The following PSMA7 variants were observed in gnomAD, a reference collection of about 807,000 sequenced individuals.
PSMA7 encodes the protein proteasome subunit alpha type-7.
In PSMA7, 5 loss-of-function variants were observed where a neutral mutation model predicts 31.3. The observed-to-expected ratio is 0.16, with a 90% CI of 0.08 to 0.34. The LOEUF is 0.34. Ranked by LOEUF, PSMA7 falls within the 10% of genes least tolerant of loss-of-function variation. The pLI, the probability that PSMA7 is intolerant of heterozygous loss-of-function variation, is 1.00. For missense variants in PSMA7, 217 were observed against 327.5 expected, an observed-to-expected ratio of 0.66 and a Z score of 2.60; for synonymous variants, 155 against 121.9, an observed-to-expected ratio of 1.27 and a Z score of -1.79.
At chr20:62,142,750 G>T (rs1208387292) in intron 1 of PSMA7, among the ~76,000 whole-genome samples, 1 of 152,198 alleles carries the variant, frequency 6.6e-6, no homozygotes, top group African/African-American at 2.4e-5. Context: ...TCCCCATAAG[G>T]GGGGTTTGAG....
intron 6 of PSMA7, 133 bp downstream of exon 6, chr20:62,137,231 C>T: frequency 1.0e-6 from 1 of 1,004,658 alleles, no homozygotes; most frequent in African/African-American, 1.6e-5. Flanking sequence ...GTATGGGGAG[C>T]CTCAGAAAGA....
chr20:62,137,444 CAG>C lies in PSMA7; in HGVS notation c.592-20_592-19del. 2 of 1,613,388 alleles carry C rather than the reference CAG, an allele frequency of 1.2e-6. No individual in the cohort carries two copies. The highest frequency in any genetic ancestry group is 1.7e-6 in the Non-Finnish European group (2 of 1,179,374). On this transcript the variant is annotated intron_variant, in intron 5 of 6. Coordinates refer to ENST00000370873, the MANE Select transcript of PSMA7 (RefSeq NM_002792.4). ...TGAACCACCTTGAAGGGACAGAAGA[CAG>C]GAGCATTAACCACCTTTCCCTATTC...
chr20:62,138,102 T>C lies in PSMA7; in HGVS notation c.591+69A>G, dbSNP rs1410216956. ...TCCTTGCCACCTTCCTTCCTGCTCA[T>C]CTACCTACCACTCACCACCAAAACG... On this transcript the variant is annotated intron_variant, in intron 5 of 6. Coordinates refer to ENST00000370873, the MANE Select transcript of PSMA7 (RefSeq NM_002792.4). 8.7e-6 allele frequency: 14 copies of C among 1,606,564 alleles called. No individual in the cohort carries two copies. The East Asian group carries it at 3.1e-4, about 36-fold the overall frequency.
In PSMA7 at chr20:62,140,109, G is replaced by A. The variant is rs547269478; in HGVS notation, c.224-204C>T. Among the ~76,000 whole-genome samples, 4 of 152,248 alleles carry A rather than the reference G, an allele frequency of 2.6e-5. No homozygotes were observed. The East Asian group carries it at 5.8e-4, about 22-fold the overall frequency. On this transcript the variant is annotated intron_variant, in intron 2 of 6. Transcript: ENST00000370873. Reference sequence around the variant, plus strand: ...ATGCTTCTTGATGTGCAGTGGGGTGGTATCCCGCTAAACTCATCGTAAGTC... The same window carrying A: ...ATGCTTCTTGATGTGCAGTGGGGTGATATCCCGCTAAACTCATCGTAAGTC...
At position 62,138,261 on chromosome 20, in the gene PSMA7, T is replaced by C. The variant is rs775717564; in HGVS notation, c.501A>G (p.Ser167=). ...KANAIGRGAK[S]VREFLEKNYT... ...AGTTCTTCTCCAGGAACTCGCGCACTGACTTGGCACCCCGACCTATGGCAT... is the reference window on the plus strand; with the variant it reads ...AGTTCTTCTCCAGGAACTCGCGCACCGACTTGGCACCCCGACCTATGGCAT... The change falls in exon 5 of 7, where the codon TCA becomes TCG. Residue 167 remains serine (S), a synonymous_variant. Transcript: ENST00000370873. 1 of 1,613,226 alleles carries C rather than the reference T, an allele frequency of 6.2e-7. No homozygotes were observed. The highest frequency in any genetic ancestry group is 8.5e-7 in the Non-Finnish European group (1 of 1,179,482).
At chr20:62,140,051 A>C in intron 2 of PSMA7, 146 bp from the exon 3 acceptor site, 2 of 1,137,306 alleles carry the variant, frequency 1.8e-6, no homozygotes, top group Non-Finnish European at 2.4e-6. Context: ...GGAACCTATC[A>C]GCCCCTGGGA....
chr20:62,142,335 AAT>A, intron 1 of PSMA7: 1 of 152,348 alleles, frequency 6.6e-6, no homozygotes, highest in Middle Eastern at 3.4e-3. Flanking sequence ...TCACCTGATG[AAT>A]ACTGGGCCTT....
Position 62,140,853 on chromosome 20 carries a change from C to T in PSMA7, c.188G>A (p.Cys63Tyr). The T allele has an allele frequency of 6.2e-7, 1 of 1,614,220 alleles. No homozygotes were observed. The highest frequency in any genetic ancestry group is 1.1e-5 in the South Asian group (1 of 91,082). ...LQDERTVRKICALDDNVCMAF... is the reference protein window; with the variant it reads ...LQDERTVRKIYALDDNVCMAF... ...CATGCAGACGTTGTCATCCAAAGCA[C>T]AGATCTTCCGCACTGTTCTTTCATC... Residue 63 changes from cysteine (C) to tyrosine (Y), a missense_variant, in exon 2 of 7, where the codon TGT becomes TAT. Cys to Tyr is a radical substitution (Grantham distance 194). Coordinates refer to ENST00000370873, the MANE Select transcript of PSMA7 (RefSeq NM_002792.4).
Position 62,140,933 on chromosome 20 carries a change from T to A in PSMA7, c.108A>T (p.Arg36=), listed in dbSNP as rs748876751. The change falls in exon 2 of 7, where the codon CGA becomes CGT. Residue 36 remains arginine, a synonymous_variant. Transcript: ENST00000370873. Reference sequence around the variant, plus strand: ...CACCAAGAACAACAATGTCTCTTCCTCGAACACCAACCTTTAATTAAGATC... The same window carrying A: ...CACCAAGAACAACAATGTCTCTTCCACGAACACCAACCTTTAATTAAGATC... The part of the protein sequence containing the change: ...VKKGSTAVGV[R]GRDIVVLGVE... 5 of 1,614,062 alleles carry A rather than the reference T, an allele frequency of 3.1e-6. No homozygotes were observed. The highest frequency in any genetic ancestry group is 1.7e-5 in the Admixed American group (1 of 60,006).
At chr20:62,140,666 C>CA in intron 2 of PSMA7, 152 bp downstream of exon 2, 1 of 1,028,830 alleles carries the variant, frequency 9.7e-7, no homozygotes, top group Non-Finnish European at 1.4e-6. Context: ...AGAAACTAGC[C>CA]AACTTAAAAG....
chr20:62,141,085 A>G, intron 1 of PSMA7, 141 bp from the exon 2 acceptor site: 1 of 1,079,810 alleles, frequency 9.3e-7, no homozygotes, highest in South Asian at 1.5e-5. Context: ...GCCGGACAAC[A>G]TGGGAAAACC....
chr20:62,141,851 C>T (rs1281502418), intron 1 of PSMA7, among the ~76,000 whole-genome samples: 2 of 152,218 alleles, frequency 1.3e-5, no homozygotes, highest in Non-Finnish European at 2.9e-5. Context: ...CATGAACAAT[C>T]ACTGACAGTC....
chr20:62,143,309 C>G lies in PSMA7; in HGVS notation c.-6G>C, dbSNP rs1424707719. On this transcript the variant is annotated 5_prime_UTR_variant, in exon 1 of 7. Coordinates refer to ENST00000370873, the MANE Select transcript of PSMA7 (RefSeq NM_002792.4). ...ATGGCGCGGTCGTAGCTCATGCCGG[C>G]GGGCGGCGGCCGGGCTCCTTCCGCC... The G allele has an allele frequency of 5.7e-6, 8 of 1,402,460 alleles. No homozygotes were observed. Among genetic ancestry groups the G allele is most frequent in the Non-Finnish European group, 6.6e-6 (7 of 1,063,342 alleles). 86.9% of individuals were successfully genotyped at this position (1,402,460 alleles called of 1,614,324 possible). A position where few individuals can be genotyped will look rare whatever the true frequency, so the allele number is the denominator to read the frequency against.
intron 6 of PSMA7, 127 bp downstream of exon 6, chr20:62,137,237 A>G (rs1253858342): frequency 8.5e-6 from 9 of 1,059,150 alleles, no homozygotes; most frequent in Admixed American, 2.1e-5. Flanking sequence ...GGAGCCTCAG[A>G]AAGACATTTT....
At chr20:62,139,747 C>T (rs370812417) in intron 3 of PSMA7, 34 bp downstream of exon 3, 118 of 1,613,676 alleles carry the variant, frequency 7.3e-5, no homozygotes, top group Non-Finnish European at 9.9e-5. Flanking sequence ...TGCCCTGCTG[C>T]CAGAGGTGAG....
At chr20:62,140,052 G>A in intron 2 of PSMA7, 147 bp from the exon 3 acceptor site, 1 of 1,136,312 alleles carries the variant, frequency 8.8e-7, no homozygotes, top group African/African-American at 1.6e-5. Flanking sequence ...GAACCTATCA[G>A]CCCCTGGGAA....
chr20:62,138,695 C>T (rs1046220344), intron 4 of PSMA7, among the ~76,000 whole-genome samples: 9 of 151,984 alleles, frequency 5.9e-5, no homozygotes, highest in African/African-American at 1.7e-4. Context: ...GCTGGGATTA[C>T]AGGCATGTGC....
chr20:62,138,039 T>C (rs2056905536), intron 5 of PSMA7, 132 bp downstream of exon 5: 2 of 1,231,710 alleles, frequency 1.6e-6, no homozygotes, highest in Non-Finnish European at 2.3e-6. Flanking sequence ...ACCAGAGCAG[T>C]GCCTGGAACA....
intron 5 of PSMA7, 91 bp from the exon 6 acceptor site, chr20:62,137,517 A>T (rs1045897852): frequency 8.1e-7 from 1 of 1,228,130 alleles, no homozygotes; most frequent in Non-Finnish European, 1.2e-6. Context: ...GTGTGTACCC[A>T]AACCCAGCAC....
Sources: allele counts gnomAD v4.1 joint callset (sites outside exome capture counted in the v4.1 genomes callset), GRCh38; gene constraint gnomAD v4.1.1; transcripts MANE v1.5; gene names NCBI Gene and HGNC (gene_info 2026-07-23, HGNC 2026-07-21).